The following LCA5 variants were observed in gnomAD, a reference collection of about 807,000 sequenced individuals.
The protein encoded by LCA5 is lebercilin.
In LCA5, 37 loss-of-function variants were observed where a neutral mutation model predicts 53.0. That is an observed-to-expected ratio of 0.70 (90% CI 0.54 to 0.92). The LOEUF (loss-of-function observed/expected upper bound fraction) is 0.92, where lower values mean the gene tolerates loss of function less well. LCA5 is among the 40% of genes least tolerant of loss of function. The probability of loss-of-function intolerance (pLI) is 0.00; values close to 1 mark genes in which losing one functional copy is unlikely to be tolerated. For missense variants in LCA5, 806 were observed against 790.5 expected, an observed-to-expected ratio of 1.02 and a Z score of -0.23; for synonymous variants, 303 against 282.9, an observed-to-expected ratio of 1.07 and a Z score of -0.71.
intron 1 of LCA5, among the ~76,000 whole-genome samples, chr6:79,524,794 C>A (rs901138242): frequency 1.3e-5 from 2 of 152,070 alleles, no homozygotes; most frequent in African/African-American, 2.4e-5. Context: ...TACCAGTGAG[C>A]CTTTTTTGTT....
Position 79,487,093 on chromosome 6 carries a change from T to G in LCA5, c.2005A>C (p.Arg669=). Residue 669 remains arginine, a synonymous_variant, in exon 8 of 8, where the codon AGG becomes CGG. Coordinates refer to ENST00000369846, the MANE Select transcript of LCA5 (RefSeq NM_001122769.3). ...TCGTCTGCATGTTTTAATCGGTGCC[T>G]ATTTGGATTAAAACTTCTTCCTTCA... ...LSEGRSFNPN[R]HRLKHADDKP... 5 of 1,613,628 alleles carry G rather than the reference T, an allele frequency of 3.1e-6. No homozygotes were observed. Among genetic ancestry groups the G allele is most frequent in the Non-Finnish European group, 3.4e-6 (4 of 1,179,560 alleles).
chr6:79,496,376 T>C (rs993143253), intron 3 of LCA5, among the ~76,000 whole-genome samples: 11 of 152,206 alleles, frequency 7.2e-5, no homozygotes, highest in Non-Finnish European at 1.3e-4. Flanking sequence ...TGCATGAATG[T>C]TCACAGCAGC....
At position 79,485,765 on chromosome 6, in the gene LCA5, A is replaced by T. The variant is rs1769634521; in HGVS notation, c.*1239T>A. 1 of 152,094 alleles carries T rather than the reference A, an allele frequency of 6.6e-6. No homozygotes were observed. 9.4% of individuals were successfully genotyped at this position (152,094 alleles called of 1,614,324 possible). A position where few individuals can be genotyped will look rare whatever the true frequency, so the allele number is the denominator to read the frequency against. ...CACTTTAGAATAAGTGCCAATCTAA[A>T]TTTTTTATTCTTCCCAACACACTAT... On this transcript the variant is annotated 3_prime_UTR_variant, in exon 8 of 8. Coordinates refer to ENST00000369846, the MANE Select transcript of LCA5 (RefSeq NM_001122769.3).
chr6:79,527,804 A>T (rs970799717), intron 1 of LCA5, among the ~76,000 whole-genome samples: 13 of 152,228 alleles, frequency 8.5e-5, no homozygotes, highest in African/African-American at 3.1e-4. Flanking sequence ...TTAAGAGCAG[A>T]CATCACAGGG....
Position 79,517,797 on chromosome 6 carries a change from T to A in LCA5, c.190+908A>T, listed in dbSNP as rs117590400. ...AAACTTAATTATGTCCTTGCTTAAA[T>A]CCTTTCAATGGCTAACTATTCGCCA... On this transcript the variant is annotated intron_variant, in intron 2 of 7. Transcript: ENST00000369846. Among the ~76,000 whole-genome samples, 1,272 of 152,248 alleles carry A rather than the reference T, an allele frequency of 8.4e-3. 10 individuals carry two copies. The highest frequency in any genetic ancestry group is 0.014 in the Middle Eastern group (4 of 294).
intron 7 of LCA5, 23 bp from the exon 8 acceptor site, chr6:79,487,889 A>G: frequency 6.4e-7 from 1 of 1,569,514 alleles, no homozygotes; most frequent in Non-Finnish European, 8.7e-7. Context: ...AAATTTTTTA[A>G]ATGGGATTTT....
chr6:79,504,880 A>G (rs118032068), intron 3 of LCA5, among the ~76,000 whole-genome samples: 3,953 of 152,224 alleles, frequency 0.026, 75 homozygotes, highest in Non-Finnish European at 0.042. Context: ...GCCAAAATAT[A>G]CTTTTCAGTG....
At chr6:79,488,149 T>A (rs2127666323) in intron 7 of LCA5, 1 of 343,504 alleles carries the variant, frequency 2.9e-6, no homozygotes, top group East Asian at 6.4e-5. Flanking sequence ...AATATAATGC[T>A]GTATGGTGGG....
chr6:79,491,835 C>T, intron 5 of LCA5, 105 bp from the exon 6 acceptor site: 1 of 917,356 alleles, frequency 1.1e-6, no homozygotes. Context: ...TTTGCATATA[C>T]ATGTACATTT....
intron 1 of LCA5, among the ~76,000 whole-genome samples, chr6:79,536,103 AAACT>A (rs1479475882): frequency 1.3e-5 from 2 of 152,260 alleles, no homozygotes; most frequent in East Asian, 3.8e-4. Context: ...GAATCAAAAC[AAACT>A]ATTATTTCCT....
chr6:79,523,910 T>C (rs374948168), intron 1 of LCA5, among the ~76,000 whole-genome samples: 9 of 152,350 alleles, frequency 5.9e-5, no homozygotes, highest in African/African-American at 2.2e-4. Context: ...TATACCTTTA[T>C]ATGTACGCTA....
In LCA5 at chr6:79,511,187, A is replaced by G. The variant is rs114307525; in HGVS notation, c.720+2025T>C. The stretch of plus-strand genomic sequence containing the variant: ...TGTATATTCAAACAAAAATGTGCAC[A>G]TAAGTGGTCATAGCAGTTTTATTAG... On this transcript the variant is annotated intron_variant, in intron 3 of 7. Coordinates refer to ENST00000369846, the MANE Select transcript of LCA5 (RefSeq NM_001122769.3). Among the ~76,000 whole-genome samples the G allele has an allele frequency of 3.5e-3, 530 of 152,322 alleles. 3 individuals carry two copies. Among genetic ancestry groups the G allele is most frequent in the African/African-American group, 0.012 (486 of 41,584 alleles).
Position 79,528,506 on chromosome 6 carries a change from C to G in LCA5, c.-192+8659G>C, listed in dbSNP as rs568371670. On this transcript the variant is annotated intron_variant, in intron 1 of 7. Coordinates refer to ENST00000369846, the MANE Select transcript of LCA5 (RefSeq NM_001122769.3). ...CAATTGGCCATTCCCCTCTCCCTGG[C>G]ATTCCATAAGATACCCAAAAATACA... Among the ~76,000 whole-genome samples the G allele has an allele frequency of 1.8e-3, 271 of 152,274 alleles. 2 individuals are homozygous for G. Among genetic ancestry groups the G allele is most frequent in the African/African-American group, 6.2e-3 (258 of 41,564 alleles).
intron 5 of LCA5, 78 bp from the exon 6 acceptor site, chr6:79,491,808 A>G (rs1042391897): frequency 2.5e-6 from 3 of 1,215,922 alleles, no homozygotes; most frequent in Admixed American, 3.4e-5. Flanking sequence ...GCATGTATAT[A>G]TATATATGCA....
At chr6:79,503,674 C>T (rs1217174805) in intron 3 of LCA5, among the ~76,000 whole-genome samples, 2 of 152,300 alleles carry the variant, frequency 1.3e-5, no homozygotes, top group East Asian at 1.9e-4. Flanking sequence ...TTATCCCTAA[C>T]CCTATTTACG....
At chr6:79,519,590 G>A (rs1254398375) in intron 1 of LCA5, among the ~76,000 whole-genome samples, 2 of 151,632 alleles carry the variant, frequency 1.3e-5, no homozygotes, top group Non-Finnish European at 2.9e-5. Context: ...GGTGGCACAC[G>A]CCTGTAGTCC....
intron 1 of LCA5, among the ~76,000 whole-genome samples, chr6:79,523,799 T>A (rs66572100): frequency 0.094 from 14,237 of 152,134 alleles, 1,490 homozygotes; most frequent in East Asian, 0.55. Context: ...CTGCCCCCCC[T>A]CAAATACTTC....
chr6:79,500,643 C>A (rs1277033097), intron 3 of LCA5, among the ~76,000 whole-genome samples: 1 of 152,122 alleles, frequency 6.6e-6, no homozygotes, highest in Non-Finnish European at 1.5e-5. Context: ...CTTCAGGAAG[C>A]AGAAAGCTTG....
At chr6:79,518,193 A>G (rs1766500891) in intron 2 of LCA5, among the ~76,000 whole-genome samples, 1 of 152,192 alleles carries the variant, frequency 6.6e-6, no homozygotes, top group African/African-American at 2.4e-5. Context: ...TTTCCATTAT[A>G]ACACACTTCA....
Sources: gnomAD v4.1 joint callset for allele counts (sites outside exome capture counted in the v4.1 genomes callset) on GRCh38, gnomAD v4.1.1 for gene constraint, MANE v1.5 for transcripts, NCBI Gene and HGNC (gene_info 2026-07-23, HGNC 2026-07-21) for gene names.